The following PTPRT variants were observed in gnomAD, a reference collection of about 807,000 sequenced individuals.
The protein encoded by PTPRT is protein tyrosine phosphatase receptor type T.
PTPRT carries 56 observed loss-of-function variants against 176.8 expected under a neutral mutation model. The ratio of observed to expected loss-of-function variants is 0.32; its 90% CI spans 0.26 to 0.40. The LOEUF is 0.40. Among genes scored for constraint, PTPRT ranks in the 10% least tolerant of loss-of-function variants. The pLI is 1.00. For missense variants in PTPRT, 1,540 were observed against 1,908.2 expected, an observed-to-expected ratio of 0.81 and a Z score of 3.60; for synonymous variants, 783 against 739.0, an observed-to-expected ratio of 1.06 and a Z score of -0.96.
chr20:42,342,687 A>G (rs2058129705), intron 11 of PTPRT, among the ~76,000 whole-genome samples: 10 of 152,210 alleles, frequency 6.6e-5, no homozygotes, highest in Admixed American at 6.5e-4. Flanking sequence ...TGAGAATCAG[A>G]CGGTAATGAT....
intron 6 of PTPRT, among the ~76,000 whole-genome samples, chr20:42,705,725 T>C (rs989773606): frequency 2.0e-5 from 3 of 152,180 alleles, no homozygotes; most frequent in African/African-American, 7.2e-5. Flanking sequence ...GCAGTCCTCA[T>C]GGCAACCTTG....
At chr20:42,227,207 G>A (rs2056033735) in intron 15 of PTPRT, among the ~76,000 whole-genome samples, 1 of 151,962 alleles carries the variant, frequency 6.6e-6, no homozygotes, top group Admixed American at 6.6e-5. Context: ...GAGGAAAGAA[G>A]GAGGGAAGGA....
At chr20:42,090,647 T>G (rs1984518764) in intron 27 of PTPRT, among the ~76,000 whole-genome samples, 1 of 152,052 alleles carries the variant, frequency 6.6e-6, no homozygotes, top group Non-Finnish European at 1.5e-5. Context: ...CATCTGTGAG[T>G]GGAGGAGCCA....
intron 1 of PTPRT, among the ~76,000 whole-genome samples, chr20:42,917,045 A>G (rs1207858000): frequency 1.3e-5 from 2 of 152,120 alleles, no homozygotes; most frequent in Non-Finnish European, 2.9e-5. Context: ...CCATGCCTAT[A>G]TCCTGAATGG....
chr20:42,297,603 C>A (rs2057406263), intron 12 of PTPRT, among the ~76,000 whole-genome samples: 1 of 152,140 alleles, frequency 6.6e-6, no homozygotes, highest in Admixed American at 6.6e-5. Context: ...CGATGGGGAA[C>A]TTTCCCTCGC....
intron 6 of PTPRT, among the ~76,000 whole-genome samples, chr20:42,731,681 C>T (rs1441078249): frequency 6.6e-6 from 1 of 152,150 alleles, no homozygotes; most frequent in Non-Finnish European, 1.5e-5. Context: ...TTGACTGGTG[C>T]TGGGATGTCC....
chr20:42,158,350 T>A (rs191017968), intron 17 of PTPRT, among the ~76,000 whole-genome samples: 2 of 152,300 alleles, frequency 1.3e-5, no homozygotes, highest in Admixed American at 1.3e-4. Context: ...TAGTACATAT[T>A]TACTGAACAA....
At chr20:42,719,705 G>A (rs903832396) in intron 6 of PTPRT, among the ~76,000 whole-genome samples, 13 of 152,212 alleles carry the variant, frequency 8.5e-5, no homozygotes, top group Admixed American at 6.5e-4. Flanking sequence ...TAGAAACTAT[G>A]AGCAAATCAA....
intron 7 of PTPRT, among the ~76,000 whole-genome samples, chr20:42,663,017 A>C (rs1371083813): frequency 2.0e-5 from 3 of 151,860 alleles, no homozygotes; most frequent in Non-Finnish European, 4.4e-5. Context: ...TATATACATG[A>C]ATATATATAC....
At chr20:42,780,797 A>C (rs1362681873) in intron 3 of PTPRT, among the ~76,000 whole-genome samples, 4 of 152,214 alleles carry the variant, frequency 2.6e-5, no homozygotes, top group African/African-American at 9.6e-5. Context: ...CACTCTTAAA[A>C]ATAAGTGGCA....
rs556695519 is a variant in PTPRT, at chr20:42,122,828, C to T, written c.2848-2857G>A. ...AATGCCTTACCTTCGGACTAGTCAT[C>T]TGTCTCCATTTTCATCTCCAGCCTC... On this transcript the variant is annotated intron_variant, in intron 19 of 30. Coordinates refer to ENST00000373187, the MANE Select transcript of PTPRT (RefSeq NM_007050.6). Among the ~76,000 whole-genome samples the T allele has an allele frequency of 1.6e-4, 24 of 152,308 alleles. No individual in the cohort carries two copies. The South Asian group carries it at 5.0e-3, about 32-fold the overall frequency.
chr20:42,506,719 T>C (rs1382665807), intron 7 of PTPRT, among the ~76,000 whole-genome samples: 1 of 152,112 alleles, frequency 6.6e-6, no homozygotes, highest in East Asian at 1.9e-4. Flanking sequence ...TCCCATTATT[T>C]ATGTGAAAAA....
At chr20:42,445,848 T>C (rs1290060143) in intron 9 of PTPRT, among the ~76,000 whole-genome samples, 3 of 152,190 alleles carry the variant, frequency 2.0e-5, no homozygotes, top group Non-Finnish European at 4.4e-5. Flanking sequence ...CCTGCTCTAA[T>C]CTGTACCCAC....
At chr20:42,110,719 G>C (rs1463358034) in intron 22 of PTPRT, among the ~76,000 whole-genome samples, 1 of 152,214 alleles carries the variant, frequency 6.6e-6, no homozygotes, top group East Asian at 1.9e-4. Context: ...TCAGAGTCTT[G>C]AGTGTGCTCA....
chr20:42,289,261 G>A (rs1193354847), intron 12 of PTPRT, among the ~76,000 whole-genome samples: 2 of 151,780 alleles, frequency 1.3e-5, no homozygotes. Flanking sequence ...CAACACAAAC[G>A]AAAATTGACT....
rs540627222 is a variant in PTPRT, at chr20:42,796,587, G to A, written c.215-5121C>T. Among the ~76,000 whole-genome samples, 31 of 152,348 alleles carry A rather than the reference G, an allele frequency of 2.0e-4. No homozygotes were observed. In the South Asian group the frequency reaches 6.0e-3, roughly 29 times the overall value. On this transcript the variant is annotated intron_variant, in intron 2 of 30. Coordinates refer to ENST00000373187, the MANE Select transcript of PTPRT (RefSeq NM_007050.6). Reference sequence around the variant, plus strand: ...AACTCTGCCGTTCCTTGCCCGAGCTGTACAGCCACAGAAGTGGTTTCCCAG... The same window carrying A: ...AACTCTGCCGTTCCTTGCCCGAGCTATACAGCCACAGAAGTGGTTTCCCAG...
intron 9 of PTPRT, among the ~76,000 whole-genome samples, chr20:42,358,791 T>C (rs1215854850): frequency 6.6e-6 from 1 of 152,176 alleles, no homozygotes; most frequent in East Asian, 1.9e-4. Flanking sequence ...TGGTGCCCAG[T>C]CATATTCTTC....
At chr20:42,551,974 C>T (rs1279827411) in intron 7 of PTPRT, among the ~76,000 whole-genome samples, 3 of 152,142 alleles carry the variant, frequency 2.0e-5, no homozygotes, top group Admixed American at 6.6e-5. Context: ...GAAGGGGATG[C>T]TTCTCTTATG....
rs957650613 is a variant in PTPRT at position 42,142,207 on chromosome 20, T to A, written c.2683-205A>T. On this transcript the variant is annotated intron_variant, in intron 17 of 30. Transcript: ENST00000373187. ...TGTTCATTGTTTCAAATGTTATTGATGTCTTCTGTGTCATGAGTTCACAAT... is the reference window on the plus strand; with the variant it reads ...TGTTCATTGTTTCAAATGTTATTGAAGTCTTCTGTGTCATGAGTTCACAAT... Among the ~76,000 whole-genome samples, 25 of 152,308 alleles carry A rather than the reference T, an allele frequency of 1.6e-4. 1 individual carries two copies. Among genetic ancestry groups the A allele is most frequent in the South Asian group, 1.0e-3 (5 of 4,816 alleles).
Sources: allele counts gnomAD v4.1 joint callset (sites outside exome capture counted in the v4.1 genomes callset), GRCh38; gene constraint gnomAD v4.1.1; transcripts MANE v1.5; gene names NCBI Gene and HGNC (gene_info 2026-07-23, HGNC 2026-07-21).